The following MED17 variants were observed in gnomAD, a reference collection of about 807,000 sequenced individuals.
MED17 encodes the protein mediator complex subunit 17.
Under a neutral mutation model 80.8 loss-of-function variants are expected in MED17, and 49 were observed. That is an observed-to-expected ratio of 0.61 (90% CI 0.48 to 0.77). The LOEUF is 0.77. Among genes scored for constraint, MED17 ranks in the 30% least tolerant of loss-of-function variants. MED17 has a pLI of 0.00. For missense variants in MED17, 718 were observed against 787.0 expected, an observed-to-expected ratio of 0.91 and a Z score of 1.05; for synonymous variants, 281 against 280.4, an observed-to-expected ratio of 1.00 and a Z score of -0.02.
chr11:93,803,691 A>G (rs1943986195), intron 9 of MED17, among the ~76,000 whole-genome samples: 1 of 152,124 alleles, frequency 6.6e-6, no homozygotes, highest in African/African-American at 2.4e-5. Context: ...TTTCCATAGT[A>G]AAAAGAGAGA....
At chr11:93,800,488 G>C (rs1209803841) in intron 8 of MED17, among the ~76,000 whole-genome samples, 1 of 152,060 alleles carries the variant, frequency 6.6e-6, no homozygotes, top group East Asian at 1.9e-4. Flanking sequence ...AATTAGCCAG[G>C]CGTGGTGGCA....
chr11:93,812,441 TA>T lies in MED17; in HGVS notation c.*380del. On this transcript the variant is annotated 3_prime_UTR_variant, in exon 12 of 12. Coordinates refer to ENST00000251871, the MANE Select transcript of MED17 (RefSeq NM_004268.5). ...CCTTTTTTTCCCCCCAAATACTTTC[TA>T]AACTTTTTTTTTTTGAGATGGTATC... The T allele has an allele frequency of 2.3e-6, 1 of 435,882 alleles. No individual in the cohort carries two copies. Among genetic ancestry groups the T allele is most frequent in the East Asian group, 3.9e-5 (1 of 25,596 alleles). The allele number at this position is 435,882 out of a possible 1,614,324, so 27.0% of individuals were successfully genotyped here. A position where few individuals can be genotyped will look rare whatever the true frequency, so the allele number is the denominator to read the frequency against.
chr11:93,790,726 A>G lies in MED17; in HGVS notation c.570A>G (p.Leu190=), dbSNP rs1316227162. The part of the protein sequence containing the change: ...QRDFNSELLR[L]RQHWKLRKVG... ...ACTTCAATTCTGAGCTTTTGCGATT[A>G]CGGCAACACTGGAAACTTCGAAAAG... The change falls in exon 3 of 12, where the codon TTA becomes TTG. Residue 190 remains leucine (L), a synonymous_variant. Transcript: ENST00000251871. The G allele has an allele frequency of 6.2e-7, 1 of 1,614,154 alleles. No homozygotes were observed. Among genetic ancestry groups the G allele is most frequent in the African/African-American group, 1.3e-5 (1 of 74,958 alleles).
chr11:93,785,042 T>G, intron 1 of MED17: 1 of 551,908 alleles, frequency 1.8e-6, no homozygotes, highest in Non-Finnish European at 3.2e-6. Context: ...GTAGAGGGCC[T>G]TTAATGTAGC....
intron 5 of MED17, chr11:93,794,654 G>A (rs1428984234): frequency 1.8e-6 from 1 of 547,822 alleles, no homozygotes; most frequent in Admixed American, 3.2e-5. Context: ...CCCTCTACAG[G>A]AATTTAAACT....
At chr11:93,796,963 A>C (rs1463378736) in intron 7 of MED17, 1 of 234,504 alleles carries the variant, frequency 4.3e-6, no homozygotes, top group African/African-American at 2.3e-5. Context: ...TATCCTGTGA[A>C]ATTTCATAGA....
At position 93,797,584 on chromosome 11, in the gene MED17, C is replaced by T; in HGVS notation, c.1193C>T (p.Ala398Val). Reference protein sequence around the residue: ...SSIMMPHPASAPFGHKRMRLS... With the variant: ...SSIMMPHPASVPFGHKRMRLS... ...ATCATGATGCCTCATCCAGCAAGTG[C>T]ACCTTTTGGCCACAAGAGAATGAGA... Residue 398 changes from alanine (A) to valine (V), a missense_variant, in exon 8 of 12, where the codon GCA (alanine) becomes GTA (valine). Physicochemically the swap from Ala to Val is moderately conservative, Grantham distance 64. Transcript: ENST00000251871. 6.2e-7 allele frequency: 1 copy of T among 1,614,096 alleles called. No individual in the cohort carries two copies. The highest frequency in any genetic ancestry group is 8.5e-7 in the Non-Finnish European group (1 of 1,179,980).
intron 11 of MED17, 76 bp downstream of exon 11, chr11:93,809,952 G>C: frequency 7.1e-7 from 1 of 1,414,478 alleles, no homozygotes; most frequent in South Asian, 1.2e-5. Flanking sequence ...AATTAAATAT[G>C]GGTAAGAGTA....
At chr11:93,799,589 G>A (rs1010505673) in intron 8 of MED17, among the ~76,000 whole-genome samples, 1 of 152,170 alleles carries the variant, frequency 6.6e-6, no homozygotes, top group African/African-American at 2.4e-5. Flanking sequence ...AGACCTGCCT[G>A]GGCAACATGG....
rs929351742 is a variant in MED17 at position 93,814,027 on chromosome 11, A to T, written c.*1963A>T. 7 of 152,122 alleles carry T rather than the reference A, an allele frequency of 4.6e-5. No individual in the cohort carries two copies. Among genetic ancestry groups the T allele is most frequent in the African/African-American group, 1.7e-4 (7 of 41,422 alleles). The allele number at this position is 152,122 out of a possible 1,614,324, so 9.4% of individuals were successfully genotyped here. ...ACAGTGCCCAGCCCCCCCAAATATA[A>T]ACATTTCTGAATGCTTTATTTTTTA... On this transcript the variant is annotated 3_prime_UTR_variant, in exon 12 of 12. Transcript: ENST00000251871.
At position 93,810,096 on chromosome 11, in the gene MED17, T is replaced by C. The variant is rs571279672; in HGVS notation, c.1744+220T>C. The C allele has an allele frequency of 9.6e-5, 51 of 530,608 alleles. No homozygotes were observed. The South Asian group carries it at 9.7e-4, about 10-fold the overall frequency. 32.9% of individuals were successfully genotyped at this position (530,608 alleles called of 1,614,324 possible). On this transcript the variant is annotated intron_variant, in intron 11 of 11. Coordinates refer to ENST00000251871, the MANE Select transcript of MED17 (RefSeq NM_004268.5). ...ATAAATGTTTAGATTGGCAGCACAT[T>C]TTCCTGAGATAGTCTGAAAAGTATC... is the stretch of plus-strand genomic sequence containing the variant.
In MED17 at chr11:93,794,926, C is replaced by A; in HGVS notation, c.878C>A (p.Thr293Lys). 1 of 1,614,084 alleles carries A rather than the reference C, an allele frequency of 6.2e-7. No homozygotes were observed. The highest frequency in any genetic ancestry group is 8.5e-7 in the Non-Finnish European group (1 of 1,179,992). The change falls in exon 6 of 12, where the codon ACA (threonine) becomes AAA (lysine). Residue 293 changes from threonine to lysine, a missense_variant. By Grantham distance (78) the Thr-to-Lys change is moderately conservative. Coordinates refer to ENST00000251871, the MANE Select transcript of MED17 (RefSeq NM_004268.5). ...KSKPGSPHWQ[T>K]KLEAAQNVLL... Reference sequence around the variant, plus strand: ...CTTTCAGGTTCCCCACATTGGCAGACAAAATTAGAAGCGGCACAGAATGTT... The same window carrying A: ...CTTTCAGGTTCCCCACATTGGCAGAAAAAATTAGAAGCGGCACAGAATGTT...
chr11:93,813,540 C>T lies in MED17; in HGVS notation c.*1476C>T, dbSNP rs907872701. The T allele has an allele frequency of 5.3e-5, 8 of 152,108 alleles. No individual in the cohort carries two copies. Among genetic ancestry groups the T allele is most frequent in the South Asian group, 2.1e-4 (1 of 4,830 alleles). 9.4% of individuals were successfully genotyped at this position (152,108 alleles called of 1,614,324 possible). On this transcript the variant is annotated 3_prime_UTR_variant, in exon 12 of 12. Transcript: ENST00000251871. ...GGAGTCTTTTATGTGATTTTGAAGG[C>T]TCAGGCTAGAAGAGTGAGTCTGAGA...
chr11:93,799,131 T>A (rs894599669), intron 8 of MED17, among the ~76,000 whole-genome samples: 6 of 151,824 alleles, frequency 4.0e-5, no homozygotes, highest in Non-Finnish European at 8.8e-5. Flanking sequence ...AGCCCAGGAG[T>A]TTGAGACCAG....
rs748921356 is a variant in MED17, at chr11:93,784,465, G to GT, written c.-43dup. 1.3e-6 allele frequency: 2 copies of GT among 1,562,932 alleles called. No homozygotes were observed. Among genetic ancestry groups the GT allele is most frequent in the South Asian group, 1.1e-5 (1 of 87,334 alleles). Reference sequence around the variant, plus strand: ...CAGGGAAGCCTCCTCTTCGTACCTCGTTTTTTGGCTCGTGGGGGGTCCTCC... The same window carrying GT: ...CAGGGAAGCCTCCTCTTCGTACCTCGTTTTTTTGGCTCGTGGGGGGTCCTCC... On this transcript the variant is annotated 5_prime_UTR_variant, in exon 1 of 12. Coordinates refer to ENST00000251871, the MANE Select transcript of MED17 (RefSeq NM_004268.5).
chr11:93,812,334 G>T lies in MED17; in HGVS notation c.*270G>T, dbSNP rs1944092910. 1 of 525,912 alleles carries T rather than the reference G, an allele frequency of 1.9e-6. No individual in the cohort carries two copies. Among genetic ancestry groups the T allele is most frequent in the Non-Finnish European group, 3.3e-6 (1 of 301,192 alleles). 32.6% of individuals were successfully genotyped at this position (525,912 alleles called of 1,614,324 possible). A position where few individuals can be genotyped will look rare whatever the true frequency, so the allele number is the denominator to read the frequency against. ...GCAGTTTAAAATATTACTAACTTAA[G>T]GGTTTCTATGTGCTTTTTAAAATAT... On this transcript the variant is annotated 3_prime_UTR_variant, in exon 12 of 12. Transcript: ENST00000251871.
intron 2 of MED17, among the ~76,000 whole-genome samples, chr11:93,790,033 A>C (rs1235157642): frequency 6.6e-6 from 1 of 152,240 alleles, no homozygotes; most frequent in African/African-American, 2.4e-5. Flanking sequence ...GTAAGATGCA[A>C]AATATGGTAA....
intron 3 of MED17, among the ~76,000 whole-genome samples, chr11:93,792,039 A>G (rs763261018): frequency 5.3e-5 from 8 of 151,344 alleles, no homozygotes; most frequent in Non-Finnish European, 1.0e-4. Flanking sequence ...AGGTTTTACA[A>G]GGTAATAATG....
chr11:93,807,619 AT>A lies in MED17; in HGVS notation c.1572del (p.Leu525PhefsTer25). 1 of 1,606,506 alleles carries A rather than the reference AT, an allele frequency of 6.2e-7. No homozygotes were observed. The highest frequency in any genetic ancestry group is 1.1e-5 in the South Asian group (1 of 90,950). ...TCTTATCAGGAGCAGGAGCTACAGGATTTTCTTCTGTCTCAGGTAACAGTTG... is the reference window on the plus strand; with the variant it reads ...TCTTATCAGGAGCAGGAGCTACAGGATTTCTTCTGTCTCAGGTAACAGTTG... The part of the protein sequence containing the change: ...TLSYQEQELQ[D>X]FLLSQMSQHQ... On this transcript the variant is annotated frameshift_variant, in exon 10 of 12. Coordinates refer to ENST00000251871, the MANE Select transcript of MED17 (RefSeq NM_004268.5). LOFTEE classifies it high-confidence loss of function.
Sources: gnomAD v4.1 joint callset for allele counts (sites outside exome capture counted in the v4.1 genomes callset) on GRCh38, gnomAD v4.1.1 for gene constraint, MANE v1.5 for transcripts, NCBI Gene and HGNC (gene_info 2026-07-23, HGNC 2026-07-21) for gene names.